The following MTG1 variants were observed in gnomAD, a reference collection of about 807,000 sequenced individuals.
MTG1 encodes the protein mitochondrial ribosome-associated GTPase 1.
MTG1 carries 30 observed loss-of-function variants against 39.5 expected under a neutral mutation model. The ratio of observed to expected loss-of-function variants is 0.76; its 90% confidence interval spans 0.57 to 1.03. The LOEUF is 1.03. Ranked by LOEUF, MTG1 falls within the 50% of genes least tolerant of loss-of-function variation. The pLI is 0.00. For missense variants in MTG1, 513 were observed against 447.4 expected (o/e 1.15, Z -1.32); for synonymous variants, 217 against 179.0 (o/e 1.21, Z -1.69).
intron 3 of MTG1, among the ~76,000 whole-genome samples, chr10:133,396,714 C>T (rs778124413): frequency 2.6e-5 from 4 of 152,052 alleles, no homozygotes; most frequent in Admixed American, 6.6e-5. Context: ...ACTCTTCATT[C>T]CAATATTATT....
chr10:133,419,581 T>C lies in MTG1; in HGVS notation c.854T>C (p.Leu285Pro). 1 of 1,604,200 alleles carries C rather than the reference T, an allele frequency of 6.2e-7. No individual in the cohort carries two copies. Among genetic ancestry groups the C allele is most frequent in the South Asian group, 1.1e-5 (1 of 89,240 alleles). ...KLGKTQKVKV[L>P]TGTGNVNIIQ... ...GGGAAGACGCAGAAGGTGAAGGTGCTCACGGGCACGGGTGAGTGAGGTCGC... is the reference window on the plus strand; with the variant it reads ...GGGAAGACGCAGAAGGTGAAGGTGCCCACGGGCACGGGTGAGTGAGGTCGC... The change falls in exon 10 of 11, where the codon CTC (leucine) becomes CCC (proline). Residue 285 changes from leucine (L) to proline (P), a missense_variant. Physicochemically the swap from Leu to Pro is moderately conservative, Grantham distance 98. Coordinates refer to ENST00000317502, the MANE Select transcript of MTG1 (RefSeq NM_138384.4).
intron 2 of MTG1, 39 bp from the exon 3 acceptor site, chr10:133,396,124 G>A: frequency 1.3e-6 from 2 of 1,596,156 alleles, no homozygotes; most frequent in East Asian, 2.2e-5. Flanking sequence ...TTGGTTGGCT[G>A]GTAAAGCTTT....
chr10:133,415,257 G>T (rs765172646), intron 9 of MTG1, among the ~76,000 whole-genome samples: 1 of 152,188 alleles, frequency 6.6e-6, no homozygotes, highest in Non-Finnish European at 1.5e-5. Flanking sequence ...GACGGGTCCT[G>T]CACTCATTTC....
intron 1 of MTG1, among the ~76,000 whole-genome samples, chr10:133,395,319 T>C (rs1007203545): frequency 1.3e-5 from 2 of 152,092 alleles, no homozygotes; most frequent in African/African-American, 4.8e-5. Flanking sequence ...TGCTTGAACC[T>C]GGCAGGCGGA....
At chr10:133,399,094 C>G in intron 4 of MTG1, 76 bp from the exon 5 acceptor site, 3 of 1,504,900 alleles carry the variant, frequency 2.0e-6, no homozygotes, top group Non-Finnish European at 2.8e-6. Flanking sequence ...TAATCCTGTT[C>G]TGAGGTGGCA....
intron 4 of MTG1, 77 bp downstream of exon 4, chr10:133,398,592 T>C: frequency 6.8e-7 from 1 of 1,472,300 alleles, no homozygotes. Flanking sequence ...GTTTTATGCT[T>C]TAGTAAGAAG....
chr10:133,416,935 G>T (rs1472496190), intron 9 of MTG1, among the ~76,000 whole-genome samples: 1 of 151,810 alleles, frequency 6.6e-6, no homozygotes, highest in Admixed American at 6.6e-5. Context: ...GGGATAGCTG[G>T]GTCAAATGGT....
chr10:133,411,072 CAT>C (rs779937609), intron 9 of MTG1, among the ~76,000 whole-genome samples: 7 of 152,190 alleles, frequency 4.6e-5, no homozygotes, highest in Non-Finnish European at 7.3e-5. Flanking sequence ...TTATACTTCA[CAT>C]GTTTTCTTTT....
chr10:133,398,940 C>G (rs1426894143), intron 4 of MTG1, among the ~76,000 whole-genome samples: 1 of 152,148 alleles, frequency 6.6e-6, no homozygotes, highest in African/African-American at 2.4e-5. Context: ...GGACAGAACT[C>G]CAGTTTCCCA....
intron 9 of MTG1, among the ~76,000 whole-genome samples, chr10:133,417,974 C>A (rs1850158783): frequency 6.6e-6 from 1 of 152,146 alleles, no homozygotes; most frequent in South Asian, 2.1e-4. Flanking sequence ...GATTCAATGC[C>A]ATCCCCATCA....
At position 133,422,123 on chromosome 10, in the gene MTG1, AT is replaced by A. The variant is rs1850252337; in HGVS notation, c.*1959del. On this transcript the variant is annotated 3_prime_UTR_variant, in exon 11 of 11. Transcript: ENST00000317502. ...CACTCCATGTCTCTCCTGTCCTTGG[AT>A]GTTGGGGGGCTCAGCCTCTTGCATG... 2 of 152,852 alleles carry A rather than the reference AT, an allele frequency of 1.3e-5. No individual in the cohort carries two copies. The highest frequency in any genetic ancestry group is 4.8e-5 in the African/African-American group (2 of 41,512). 9.5% of individuals were successfully genotyped at this position (152,852 alleles called of 1,614,324 possible). A position where few individuals can be genotyped will look rare whatever the true frequency, so the allele number is the denominator to read the frequency against.
chr10:133,413,450 C>T (rs551005910), intron 9 of MTG1, among the ~76,000 whole-genome samples: 202 of 152,244 alleles, frequency 1.3e-3, no homozygotes, highest in African/African-American at 4.4e-3. Flanking sequence ...ATGGGAGTTT[C>T]GCCATGTTGG....
Position 133,398,462 on chromosome 10 carries a change from G to A in MTG1, c.310G>A (p.Gly104Ser), listed in dbSNP as rs1849820962. ...AATTATGCAACACTTAGAAGGAGAA[G>A]GCCTAAAAAATGTCATTTTTACCAA... is the stretch of plus-strand genomic sequence containing the variant. ...QKIMQHLEGE[G>S]LKNVIFTNCV... The change falls in exon 4 of 11, where the codon GGC (glycine) becomes AGC (serine). Residue 104 changes from glycine to serine, a missense_variant. Gly to Ser is a moderately conservative substitution (Grantham distance 56). Coordinates refer to ENST00000317502, the MANE Select transcript of MTG1 (RefSeq NM_138384.4). 1 of 1,612,770 alleles carries A rather than the reference G, an allele frequency of 6.2e-7. No individual in the cohort carries two copies. The highest frequency in any genetic ancestry group is 8.5e-7 in the Non-Finnish European group (1 of 1,179,730).
chr10:133,399,494 G>T (rs375373912), intron 5 of MTG1, 35 bp from the exon 6 acceptor site: 1 of 1,601,056 alleles, frequency 6.2e-7, no homozygotes, highest in African/African-American at 1.3e-5. Context: ...TAGCGGCCAC[G>T]GTGGGCCCTG....
chr10:133,400,774 A>G (rs1211327257), intron 6 of MTG1, among the ~76,000 whole-genome samples: 1 of 151,966 alleles, frequency 6.6e-6, no homozygotes, highest in African/African-American at 2.4e-5. Flanking sequence ...AGCCTCCTAC[A>G]CCCCTCGTTC....
At chr10:133,410,964 A>G (rs1850037702) in intron 9 of MTG1, among the ~76,000 whole-genome samples, 1 of 152,092 alleles carries the variant, frequency 6.6e-6, no homozygotes, top group African/African-American at 2.4e-5. Flanking sequence ...TATTTTTGAT[A>G]CATTTTTCTT....
In MTG1 at chr10:133,402,207, T is replaced by C. The variant is rs1427088800; in HGVS notation, c.632T>C (p.Ile211Thr). ...ACTCCTGGCGTGCTGGCTCCTCGGA[T>C]TGAAAGTGTGGAGACAGGCCTGAAG... The part of the protein sequence containing the change: ...LDTPGVLAPR[I>T]ESVETGLKLA... The change falls in exon 8 of 11, where the codon ATT (isoleucine) becomes ACT (threonine). Residue 211 changes from isoleucine (I) to threonine (T), a missense_variant. Coordinates refer to ENST00000317502, the MANE Select transcript of MTG1 (RefSeq NM_138384.4). The surrounding 1 kb of genome is among the most constrained non-coding windows in gnomAD (Gnocchi z 4.7). 5 of 1,613,822 alleles carry C rather than the reference T, an allele frequency of 3.1e-6. No individual in the cohort carries two copies. Among genetic ancestry groups the C allele is most frequent in the Non-Finnish European group, 4.2e-6 (5 of 1,179,942 alleles).
At chr10:133,407,776 G>A (rs1849989438) in intron 9 of MTG1, among the ~76,000 whole-genome samples, 1 of 151,896 alleles carries the variant, frequency 6.6e-6, no homozygotes, top group Non-Finnish European at 1.5e-5. Context: ...CTCCACGTTG[G>A]TCAGGCTGGT....
intron 6 of MTG1, 101 bp downstream of exon 6, chr10:133,399,720 A>G: frequency 8.1e-7 from 1 of 1,229,738 alleles, no homozygotes; most frequent in Non-Finnish European, 1.2e-6. Flanking sequence ...CCCGAGGAGC[A>G]CTGCCAGTCT....
Sources: gnomAD v4.1 joint callset for allele counts (sites outside exome capture counted in the v4.1 genomes callset) on GRCh38, gnomAD v4.1.1 for gene constraint, Gnocchi (gnomAD v3.1) non-coding constraint, MANE v1.5 for transcripts, NCBI Gene and HGNC (gene_info 2026-07-23, HGNC 2026-07-21) for gene names.